ANKRD46: variants seen among roughly 807,000 people sequenced by gnomAD.
ANKRD46 encodes the protein ankyrin repeat domain 46.
ANKRD46 carries 13 observed loss-of-function variants against 19.8 expected under a neutral mutation model. The ratio of observed to expected loss-of-function variants is 0.66; its 90% CI spans 0.43 to 1.04. ANKRD46 has a LOEUF of 1.04. Ranked by LOEUF, ANKRD46 falls within the 50% of genes least tolerant of loss-of-function variation. The pLI is 0.00. For missense variants in ANKRD46, 185 were observed against 274.8 expected (o/e 0.67, Z 2.31); for synonymous variants, 91 against 106.9 (o/e 0.85, Z 0.92).
downstream of ANKRD46, among the ~76,000 whole-genome samples, chr8:100,518,365 A>G (rs1014993744): frequency 1.3e-5 from 2 of 152,252 alleles, no homozygotes; most frequent in African/African-American, 4.8e-5. Context: ...GCCCAGCTAC[A>G]TTAGAAGAAA....
At chr8:100,515,791 C>A (rs1811621252), downstream of ANKRD46, among the ~76,000 whole-genome samples, 1 of 152,072 alleles carries the variant, frequency 6.6e-6, no homozygotes, top group African/African-American at 2.4e-5. Context: ...ATTCAGTTCC[C>A]CTTGGTCTCC....
chr8:100,514,990 A>T (rs1394121660), intron 5 of ANKRD46, among the ~76,000 whole-genome samples: 2 of 152,164 alleles, frequency 1.3e-5, no homozygotes, highest in Admixed American at 1.3e-4. Flanking sequence ...AGATGCTTCT[A>T]AAGATGTGGA....
intron 2 of ANKRD46, among the ~76,000 whole-genome samples, chr8:100,531,662 G>A (rs1270069098): frequency 6.6e-6 from 1 of 151,950 alleles, no homozygotes; most frequent in Non-Finnish European, 1.5e-5. Flanking sequence ...GTTTTAAATT[G>A]AGACAGGTTC....
At position 100,550,372 on chromosome 8, in the gene ANKRD46, T is replaced by C. The variant is rs1812359305; in HGVS notation, c.-131+9339A>G. Among the ~76,000 whole-genome samples, 2 of 152,212 alleles carry C rather than the reference T, an allele frequency of 1.3e-5. No individual in the cohort carries two copies. Among genetic ancestry groups the C allele is most frequent in the African/African-American group, 4.8e-5 (2 of 41,456 alleles). ...TTAGTTAGCCATTTTAGTAAGTGTG[T>C]AGTGGGATCTCATTGTTTTAATTTG... On this transcript the variant is annotated intron_variant, in intron 1 of 4. Transcript: ENST00000335659. This position sits in a 1 kb window ranked among gnomAD's most constrained non-coding sequence, Gnocchi z 4.4.
In ANKRD46 at chr8:100,510,427, G is replaced by A. The variant is rs1013856915; in HGVS notation, c.*150C>T. The A allele has an allele frequency of 7.0e-5, 46 of 658,148 alleles. No individual in the cohort carries two copies. The highest frequency in any genetic ancestry group is 1.0e-4 in the Non-Finnish European group (44 of 421,836). The allele number at this position is 658,148 out of a possible 1,614,324, so 40.8% of individuals were successfully genotyped here. On this transcript the variant is annotated 3_prime_UTR_variant, in exon 6 of 6. Transcript: ENST00000520552. The surrounding 1 kb of genome is among the most constrained non-coding windows in gnomAD (Gnocchi z 4.9). ...GAGAGGAGGGGACAGGTGGTAGCAG[G>A]TCCCTCTGCCTCCTAACTGCAGAGC...
Position 100,510,257 on chromosome 8 carries a change from T to G in ANKRD46, c.*320A>C, listed in dbSNP as rs1423766842. On this transcript the variant is annotated 3_prime_UTR_variant, in exon 6 of 6. Transcript: ENST00000520552. The surrounding 1 kb of genome is among the most constrained non-coding windows in gnomAD (Gnocchi z 4.9). ...CATTTCAGACACCACGGCAGCCTTT[T>G]GTTCAAGATCAAATGGATGTGATTT... 2 of 293,418 alleles carry G rather than the reference T, an allele frequency of 6.8e-6. No homozygotes were observed. Among genetic ancestry groups the G allele is most frequent in the Non-Finnish European group, 1.3e-5 (2 of 158,976 alleles). The allele number at this position is 293,418 out of a possible 1,614,324, so 18.2% of individuals were successfully genotyped here. A position where few individuals can be genotyped will look rare whatever the true frequency, so the allele number is the denominator to read the frequency against.
rs974268881 is a variant in ANKRD46 at position 100,551,776 on chromosome 8, C to G, written c.-131+7935G>C. 31 of 459,590 alleles carry G rather than the reference C, an allele frequency of 6.7e-5. No homozygotes were observed. The Admixed American group carries it at 8.4e-4, about 12-fold the overall frequency. The allele number at this position is 459,590 out of a possible 1,614,324, so 28.5% of individuals were successfully genotyped here. ...AGCACTGAGTGACCTCAGCCAGCAC[C>G]CATACCCACCTCTCTTTTTGTTGAG... On this transcript the variant is annotated intron_variant, in intron 1 of 4. Coordinates refer to ENST00000335659, the MANE Select transcript of ANKRD46 (RefSeq NM_001270377.2).
At chr8:100,548,880 T>A in intron 1 of ANKRD46, among the ~76,000 whole-genome samples, 1 of 152,340 alleles carries the variant, frequency 6.6e-6, no homozygotes, top group East Asian at 1.9e-4. Context: ...TCTTTTAATG[T>A]CTGAGAAATA....
In ANKRD46 at chr8:100,511,545, T is replaced by A. The variant is rs1202704312; in HGVS notation, c.637-906A>T. On this transcript the variant is annotated intron_variant, in intron 5 of 5. Transcript: ENST00000520552. The surrounding 1 kb of genome is among the most constrained non-coding windows in gnomAD (Gnocchi z 4.1). The stretch of plus-strand genomic sequence containing the variant: ...TCAGAAGCACTGTGTTTCTCATTAC[T>A]ACTTATTTTATCCAAATTAAATGAC... 6.6e-6 allele frequency among the ~76,000 whole-genome samples: 1 copy of A among 152,118 alleles called. No homozygotes were observed. Among genetic ancestry groups the A allele is most frequent in the East Asian group, 1.9e-4 (1 of 5,204 alleles).
intron 2 of ANKRD46, among the ~76,000 whole-genome samples, chr8:100,531,704 T>C (rs1018211247): frequency 1.3e-5 from 2 of 152,098 alleles, no homozygotes; most frequent in African/African-American, 4.8e-5. Flanking sequence ...AGTGCGGTGG[T>C]ACAATCATGG....
At chr8:100,520,366 A>G (rs1326297573), downstream of ANKRD46, among the ~76,000 whole-genome samples, 1 of 152,226 alleles carries the variant, frequency 6.6e-6, no homozygotes, top group Non-Finnish European at 1.5e-5. Context: ...AAGCACAAGC[A>G]TAATTGGGGC....
At chr8:100,520,755 AAAAAG>A (rs1811707321), downstream of ANKRD46, 2 of 964,398 alleles carry the variant, frequency 2.1e-6, no homozygotes, top group African/African-American at 3.5e-5. Flanking sequence ...AAAAAAAAAA[AAAAAG>A]AGAAATCGTG....
At position 100,543,005 on chromosome 8, in the gene ANKRD46, C is replaced by T. The variant is rs1373005976; in HGVS notation, c.-130-9694G>A. Among the ~76,000 whole-genome samples the T allele has an allele frequency of 6.6e-6, 1 of 152,186 alleles. No homozygotes were observed. Among genetic ancestry groups the T allele is most frequent in the Non-Finnish European group, 1.5e-5 (1 of 68,044 alleles). ...AGTTAGCTCAGTTTACATGTGTGTA[C>T]TCAGAGCATTCTGGAGAATCTTTCA... On this transcript the variant is annotated intron_variant, in intron 1 of 4. Transcript: ENST00000335659. This position sits in a 1 kb window ranked among gnomAD's most constrained non-coding sequence, Gnocchi z 4.2.
chr8:100,527,365 A>G lies in ANKRD46; in HGVS notation c.470+480T>C, dbSNP rs1347678050. Among the ~76,000 whole-genome samples, 3 of 152,148 alleles carry G rather than the reference A, an allele frequency of 2.0e-5. No individual in the cohort carries two copies. The highest frequency in any genetic ancestry group is 7.2e-5 in the African/African-American group (3 of 41,426). On this transcript the variant is annotated intron_variant, in intron 4 of 4. Transcript: ENST00000335659. The surrounding 1 kb of genome is among the most constrained non-coding windows in gnomAD (Gnocchi z 4.0). ...TTCCCTACCCTTGAAACTACCTTTC[A>G]GTCTTTTCTAAAATTGCCCAAGTTC...
rs1207648759 is a variant in ANKRD46 at position 100,522,914 on chromosome 8, T to C, written c.471-143A>G. 9.2e-4 allele frequency: 488 copies of C among 530,036 alleles called. 7 individuals carry two copies. In the South Asian group the frequency reaches 9.4e-3, roughly 10 times the overall value. The allele number at this position is 530,036 out of a possible 1,614,324, so 32.8% of individuals were successfully genotyped here. A position where few individuals can be genotyped will look rare whatever the true frequency, so the allele number is the denominator to read the frequency against. On this transcript the variant is annotated intron_variant, in intron 4 of 4. Transcript: ENST00000335659. Reference sequence around the variant, plus strand: ...ACACACACACACACACATATATATATATACACACTCTTACATGCTTACGTA... The same window carrying C: ...ACACACACACACACACATATATATACATACACACTCTTACATGCTTACGTA...
downstream of ANKRD46, chr8:100,520,675 G>T: frequency 2.1e-6 from 1 of 472,884 alleles, no homozygotes; most frequent in Non-Finnish European, 2.7e-6. Context: ...TTGAAAAAAA[G>T]CTGTGTTTTA....
In ANKRD46 at chr8:100,558,682, G is replaced by A. The variant is rs16898585; in HGVS notation, c.-131+1029C>T. Among the ~76,000 whole-genome samples the A allele has an allele frequency of 7.6e-3, 1,157 of 152,204 alleles. 18 individuals are homozygous for A. The highest frequency in any genetic ancestry group is 0.026 in the African/African-American group (1,073 of 41,536). ...CTAATTGATAAAACTCTTAGACAGC[G>A]CTACATGTTTGGCTAGATAACAGAC... is the stretch of plus-strand genomic sequence containing the variant. On this transcript the variant is annotated intron_variant, in intron 1 of 4. Transcript: ENST00000335659.
At chr8:100,553,871 G>A (rs1812443134) in intron 1 of ANKRD46, among the ~76,000 whole-genome samples, 2 of 152,176 alleles carry the variant, frequency 1.3e-5, no homozygotes, top group African/African-American at 4.8e-5. Context: ...ATAAAATACA[G>A]CAGAGTATCT....
Position 100,545,197 on chromosome 8 carries a change from C to T in ANKRD46, c.-130-11886G>A, listed in dbSNP as rs1812248340. ...TATAAAAGTTAGGTGTGGTGACGTGCACCTGTAGTCCCAGCTACTCGGGAG... is the reference window on the plus strand; with the variant it reads ...TATAAAAGTTAGGTGTGGTGACGTGTACCTGTAGTCCCAGCTACTCGGGAG... On this transcript the variant is annotated intron_variant, in intron 1 of 4. Transcript: ENST00000335659. This position sits in a 1 kb window ranked among gnomAD's most constrained non-coding sequence, Gnocchi z 4.7. Among the ~76,000 whole-genome samples, 3 of 152,066 alleles carry T rather than the reference C, an allele frequency of 2.0e-5. No individual in the cohort carries two copies. Among genetic ancestry groups the T allele is most frequent in the Non-Finnish European group, 4.4e-5 (3 of 68,004 alleles).
Sources: gnomAD v4.1 joint callset for allele counts (sites outside exome capture counted in the v4.1 genomes callset) on GRCh38, gnomAD v4.1.1 for gene constraint, Gnocchi (gnomAD v3.1) non-coding constraint, MANE v1.5 for transcripts, NCBI Gene and HGNC (gene_info 2026-07-23, HGNC 2026-07-21) for gene names.